Variants in CYFIP2 observed in about 807,000 individuals in gnomAD.
CYFIP2 encodes the protein cytoplasmic FMR1 interacting protein 2, also known as cytoplasmic FMR1-interacting protein 2.
Under a neutral mutation model 158.7 loss-of-function variants are expected in CYFIP2, and 29 were observed. The ratio of observed to expected loss-of-function variants is 0.18; its 90% CI spans 0.14 to 0.25. The LOEUF (loss-of-function observed/expected upper bound fraction) is 0.25, where lower values mean the gene tolerates loss of function less well. CYFIP2 is among the 10% of genes least tolerant of loss of function. The pLI is 1.00. For missense variants in CYFIP2, 852 were observed against 1,639.5 expected, an observed-to-expected ratio of 0.52 and a Z score of 8.29; for synonymous variants, 585 against 617.6, an observed-to-expected ratio of 0.95 and a Z score of 0.78.
At chr5:157,348,281 G>A (rs912137653) in intron 23 of CYFIP2, among the ~76,000 whole-genome samples, 2 of 152,206 alleles carry the variant, frequency 1.3e-5, no homozygotes, top group Non-Finnish European at 2.9e-5. Flanking sequence ...AGCACGCCCT[G>A]GAATTCCCAG....
intron 26 of CYFIP2, among the ~76,000 whole-genome samples, chr5:157,379,668 C>CAAAAAAAAAAAAAAAAAAAAAAAAA (rs70984468): frequency 5.4e-5 from 4 of 73,638 alleles, no homozygotes; most frequent in African/African-American, 2.1e-4. Context: ...GACCCTGTCT[C>CAAAAAAAAAAAAAAAAAAAAAAAAA]AAAAAAAAAA....
At chr5:157,338,927 T>A (rs1205933731) in intron 21 of CYFIP2, 130 bp from the exon 22 acceptor site, 1 of 827,122 alleles carries the variant, frequency 1.2e-6, no homozygotes, top group East Asian at 2.7e-5. Context: ...AGGGTCCTAG[T>A]TCCCATGTAG....
At position 157,302,845 on chromosome 5, in the gene CYFIP2, G is replaced by C. The variant is rs199855067; in HGVS notation, c.621G>C (p.Ser207=). Residue 207 remains serine (S), a synonymous_variant, in exon 7 of 31, where the codon TCG becomes TCC. Coordinates refer to ENST00000620254, the MANE Select transcript of CYFIP2 (RefSeq NM_001037333.3). ...CAGATCCCCAGTCTATCCAGGAGTCGCAGAACCTTTCCATGTTCCTGGCCA... is the reference window on the plus strand; with the variant it reads ...CAGATCCCCAGTCTATCCAGGAGTCCCAGAACCTTTCCATGTTCCTGGCCA... ...KMADPQSIQE[S]QNLSMFLANH... The C allele has an allele frequency of 2.5e-6, 4 of 1,587,266 alleles. No individual in the cohort carries two copies. The Admixed American group carries it at 7.1e-5, about 28-fold the overall frequency.
intron 5 of CYFIP2, among the ~76,000 whole-genome samples, chr5:157,299,031 G>C (rs954094472): frequency 5.3e-5 from 8 of 152,064 alleles, no homozygotes; most frequent in African/African-American, 1.9e-4. Flanking sequence ...GATCGTTCAC[G>C]TACAAGTATT....
intron 1 of CYFIP2, among the ~76,000 whole-genome samples, chr5:157,279,788 T>A (rs2113828909): frequency 6.6e-6 from 1 of 152,372 alleles, no homozygotes; most frequent in Non-Finnish European, 1.5e-5. Context: ...AATGGTCACA[T>A]GTTCGTAGAC....
At chr5:157,296,879 A>C (rs1308667501) in intron 5 of CYFIP2, 105 bp downstream of exon 5, 30 of 898,054 alleles carry the variant, frequency 3.3e-5, no homozygotes, top group Non-Finnish European at 5.1e-5. Context: ...TCACTAAGCA[A>C]ATATTTTTTG....
Position 157,309,839 on chromosome 5 carries a change from G to A in CYFIP2, c.992+5G>A, listed in dbSNP as rs1232932458. 6.3e-7 allele frequency: 1 copy of A among 1,581,510 alleles called. No homozygotes were observed. The highest frequency in any genetic ancestry group is 2.3e-5 in the East Asian group (1 of 43,134). On this transcript the variant is annotated splice_donor_5th_base_variant and intron_variant, in intron 10 of 30. Transcript: ENST00000620254. ...CTATGAAGAGAACAAGTCCAAGTGA[G>A]TGCCTGCCGTAATGTCTCTCGGCTC...
chr5:157,336,284 A>G (rs983718393), intron 21 of CYFIP2, among the ~76,000 whole-genome samples: 2 of 152,234 alleles, frequency 1.3e-5, no homozygotes, highest in African/African-American at 4.8e-5. Context: ...GCAAGACCCG[A>G]TGCTGAAGTT....
chr5:157,286,535 T>C, intron 2 of CYFIP2, among the ~76,000 whole-genome samples: 1 of 140,618 alleles, frequency 7.1e-6, no homozygotes, highest in South Asian at 2.3e-4. Flanking sequence ...AGTCCATTTA[T>C]GGATATGCTA....
At chr5:157,325,881 A>G in intron 17 of CYFIP2, 1 of 544,408 alleles carries the variant, frequency 1.8e-6, no homozygotes, top group Non-Finnish European at 3.2e-6. Context: ...TATGCTCAGA[A>G]AAGAATCATC....
At chr5:157,278,272 C>T (rs552144689) in intron 1 of CYFIP2, among the ~76,000 whole-genome samples, 6 of 152,098 alleles carry the variant, frequency 3.9e-5, no homozygotes, top group Non-Finnish European at 5.9e-5. Context: ...CTGGCTGGAG[C>T]GCCATACGGA....
intron 26 of CYFIP2, among the ~76,000 whole-genome samples, chr5:157,362,284 G>A (rs553692262): frequency 6.6e-6 from 1 of 152,282 alleles, no homozygotes; most frequent in Admixed American, 6.5e-5. Context: ...GTCAGAGTTC[G>A]GCCTGCAGTT....
chr5:157,328,143 A>G (rs963825347), intron 19 of CYFIP2, 94 bp downstream of exon 19: 2 of 1,246,858 alleles, frequency 1.6e-6, no homozygotes, highest in Non-Finnish European at 2.3e-6. Context: ...CTTCTTTAGC[A>G]CCTTAGGAAA....
intron 23 of CYFIP2, among the ~76,000 whole-genome samples, chr5:157,358,707 G>A (rs1763589981): frequency 2.6e-5 from 4 of 152,192 alleles, no homozygotes; most frequent in Admixed American, 2.6e-4. Flanking sequence ...AAAACTCCTG[G>A]TTTGGGTGTG....
intron 23 of CYFIP2, chr5:157,343,380 T>G (rs777046185): frequency 1.2e-6 from 2 of 1,614,138 alleles, no homozygotes; most frequent in Admixed American, 3.3e-5. Context: ...CGAGGCACCT[T>G]CTCCTCGTGG....
chr5:157,277,619 A>G (rs920268555), intron 1 of CYFIP2, among the ~76,000 whole-genome samples: 4 of 152,208 alleles, frequency 2.6e-5, no homozygotes, highest in Admixed American at 1.3e-4. Flanking sequence ...TTTCACATGC[A>G]TGGTTCTACT....
intron 1 of CYFIP2, chr5:157,271,599 A>G (rs1332763599): frequency 6.6e-6 from 1 of 152,280 alleles, no homozygotes; most frequent in Non-Finnish European, 1.5e-5. Flanking sequence ...TTAAGCTATT[A>G]TTAGCACAAG....
At chr5:157,375,586 C>A in intron 26 of CYFIP2, among the ~76,000 whole-genome samples, 1 of 152,074 alleles carries the variant, frequency 6.6e-6, no homozygotes, top group Non-Finnish European at 1.5e-5. Flanking sequence ...GCTTTGAATG[C>A]AGCCCGACCC....
rs1348915746 is a variant in CYFIP2 at position 157,322,244 on chromosome 5, TG to T, written c.1671+1443del. Among the ~76,000 whole-genome samples, 3 of 152,086 alleles carry T rather than the reference TG, an allele frequency of 2.0e-5. No individual in the cohort carries two copies. The East Asian group carries it at 5.8e-4, about 29-fold the overall frequency. ...TGAGGTCTAGAGAGGGGAAGTGACTTGTCCAAGTCACAAGGTGAGTCCCAGG... is the reference window on the plus strand; with the variant it reads ...TGAGGTCTAGAGAGGGGAAGTGACTTTCCAAGTCACAAGGTGAGTCCCAGG... On this transcript the variant is annotated intron_variant, in intron 15 of 30. Coordinates refer to ENST00000620254, the MANE Select transcript of CYFIP2 (RefSeq NM_001037333.3).
Sources: gnomAD v4.1 joint callset for allele counts (sites outside exome capture counted in the v4.1 genomes callset) on GRCh38, gnomAD v4.1.1 for gene constraint, MANE v1.5 for transcripts, NCBI Gene and HGNC (gene_info 2026-07-23, HGNC 2026-07-21) for gene names.